CARNMT1: variants seen among roughly 807,000 people sequenced by gnomAD.
CARNMT1 encodes protein-L-histidine N-pros-methyltransferase CARNMT1.
Under a neutral mutation model 49.6 loss-of-function variants are expected in CARNMT1, and 28 were observed. That is an observed-to-expected ratio of 0.56 (90% CI 0.42 to 0.77). CARNMT1 has a LOEUF of 0.77. Among genes scored for constraint, CARNMT1 ranks in the 30% least tolerant of loss-of-function variants. CARNMT1 has a pLI of 0.00. For missense variants in CARNMT1, 421 were observed against 512.6 expected (o/e 0.82, Z 1.73); for synonymous variants, 178 against 175.0 (o/e 1.02, Z -0.13).
At chr9:74,990,840 C>A (rs1400507581) in intron 6 of CARNMT1, among the ~76,000 whole-genome samples, 1 of 152,044 alleles carries the variant, frequency 6.6e-6, no homozygotes, top group Non-Finnish European at 1.5e-5. Context: ...CTGTGACAGG[C>A]GGATTTAAAC....
At chr9:74,995,282 T>C (rs1833153345) in intron 6 of CARNMT1, among the ~76,000 whole-genome samples, 1 of 152,176 alleles carries the variant, frequency 6.6e-6, no homozygotes, top group Non-Finnish European at 1.5e-5. Flanking sequence ...GCTAGTTATT[T>C]AACCCAAGAC....
At chr9:74,985,344 T>A (rs1223043603) in intron 6 of CARNMT1, among the ~76,000 whole-genome samples, 1 of 152,136 alleles carries the variant, frequency 6.6e-6, no homozygotes. Flanking sequence ...TATAATTCCA[T>A]AAGCAAATGC....
chr9:74,985,556 A>G (rs561070072), intron 6 of CARNMT1, among the ~76,000 whole-genome samples: 105 of 152,126 alleles, frequency 6.9e-4, no homozygotes, highest in African/African-American at 2.1e-3. Flanking sequence ...GGGCAATTCA[A>G]TAACTCCACT....
At chr9:75,027,149 C>T (rs1292340324) in intron 1 of CARNMT1, 1 of 1,300,840 alleles carries the variant, frequency 7.7e-7, no homozygotes, top group Admixed American at 2.3e-5. Context: ...GTGTTATCTT[C>T]ACCTGAAAAT....
chr9:74,993,941 G>A (rs1833111279), intron 6 of CARNMT1, among the ~76,000 whole-genome samples: 1 of 152,186 alleles, frequency 6.6e-6, no homozygotes, highest in African/African-American at 2.4e-5. Context: ...CCTATTGACT[G>A]TTTGTGTCCC....
intron 6 of CARNMT1, among the ~76,000 whole-genome samples, chr9:74,988,577 A>C (rs529713831): frequency 2.4e-4 from 37 of 152,310 alleles, no homozygotes; most frequent in Non-Finnish European, 4.7e-4. Context: ...CCATTTCATC[A>C]GTCTTTAGTC....
intron 3 of CARNMT1, among the ~76,000 whole-genome samples, chr9:75,008,553 G>A (rs1833589644): frequency 6.6e-6 from 1 of 152,096 alleles, no homozygotes; most frequent in Non-Finnish European, 1.5e-5. Context: ...TGATCCACCT[G>A]CCTCGGCCCC....
At chr9:75,026,405 G>A (rs1822531196) in intron 1 of CARNMT1, among the ~76,000 whole-genome samples, 1 of 152,150 alleles carries the variant, frequency 6.6e-6, no homozygotes, top group African/African-American at 2.4e-5. Context: ...ATATTCCCAA[G>A]ACATTTCCCA....
chr9:75,021,864 GA>G (rs1822373282), intron 1 of CARNMT1, among the ~76,000 whole-genome samples: 1 of 152,024 alleles, frequency 6.6e-6, no homozygotes, highest in African/African-American at 2.4e-5. Flanking sequence ...CTTTAGCCCA[GA>G]AAGTCAAGGG....
rs976022455 is a variant in CARNMT1 at position 74,981,888 on chromosome 9, C to G, written c.*1879G>C. 1.3e-5 allele frequency: 2 copies of G among 151,614 alleles called. No homozygotes were observed. The highest frequency in any genetic ancestry group is 4.8e-5 in the African/African-American group (2 of 41,344). 9.4% of individuals were successfully genotyped at this position (151,614 alleles called of 1,614,324 possible). ...AATACTTATGTACTTTGCAAGTTTT[C>G]TTCTTTTAAAACAATAATTTGAGTT... On this transcript the variant is annotated 3_prime_UTR_variant, in exon 8 of 8. Transcript: ENST00000376834.
intron 6 of CARNMT1, 51 bp downstream of exon 6, chr9:74,996,396 G>C (rs529506220): frequency 2.3e-6 from 2 of 871,032 alleles, no homozygotes; most frequent in Non-Finnish European, 1.9e-6. Context: ...TAATACAGCT[G>C]TAAGTACTCA....
At chr9:75,013,346 C>T (rs1363736717) in intron 3 of CARNMT1, among the ~76,000 whole-genome samples, 2 of 151,932 alleles carry the variant, frequency 1.3e-5, no homozygotes, top group South Asian at 2.1e-4. Context: ...GAAATTTCTT[C>T]TGAAATTATA....
At chr9:75,027,867 G>A in intron 1 of CARNMT1, 145 bp downstream of exon 1, 1 of 912,700 alleles carries the variant, frequency 1.1e-6, no homozygotes, top group African/African-American at 1.8e-5. Flanking sequence ...GAGGTGACTC[G>A]GGGCCCGGAG....
intron 3 of CARNMT1, 125 bp downstream of exon 3, chr9:75,016,143 T>TA (rs1833840299): frequency 2.9e-6 from 2 of 684,306 alleles, no homozygotes; most frequent in Non-Finnish European, 4.9e-6. Context: ...TGTTAACACT[T>TA]ACACATGTAA....
At chr9:74,987,405 GGATA>G (rs1395500322) in intron 6 of CARNMT1, among the ~76,000 whole-genome samples, 1 of 151,966 alleles carries the variant, frequency 6.6e-6, no homozygotes, top group Non-Finnish European at 1.5e-5. Flanking sequence ...ACCAGTGAAT[GGATA>G]AACAAAATGT....
intron 1 of CARNMT1, among the ~76,000 whole-genome samples, chr9:75,022,213 CTTTTTTTTTTTTTTT>C (rs35783706): frequency 3.9e-5 from 3 of 76,968 alleles, no homozygotes; most frequent in South Asian, 5.2e-4. Flanking sequence ...AGAAGGAATA[CTTTTTTTTTTTTTTT>C]TTTTTTTTTT....
intron 3 of CARNMT1, chr9:75,010,293 T>G (rs1332070835): frequency 6.6e-6 from 1 of 151,850 alleles, no homozygotes; most frequent in African/African-American, 2.4e-5. Flanking sequence ...CCAGCTAATT[T>G]TTTGTATTTT....
At chr9:75,017,527 G>A in intron 1 of CARNMT1, 79 bp from the exon 2 acceptor site, 1 of 1,221,754 alleles carries the variant, frequency 8.2e-7, no homozygotes, top group South Asian at 1.4e-5. Flanking sequence ...TTGTCTTTCT[G>A]TACAATTATT....
chr9:75,000,106 G>A (rs913866909), intron 3 of CARNMT1, among the ~76,000 whole-genome samples: 2 of 152,002 alleles, frequency 1.3e-5, no homozygotes, highest in African/African-American at 4.8e-5. Flanking sequence ...TCAGAAAAAA[G>A]GAGTCCCCTT....
Sources: allele counts gnomAD v4.1 joint callset (sites outside exome capture counted in the v4.1 genomes callset), GRCh38; gene constraint gnomAD v4.1.1; transcripts MANE v1.5; gene names NCBI Gene and HGNC (gene_info 2026-07-23, HGNC 2026-07-21).